NOL4: variants seen among roughly 807,000 people sequenced by gnomAD.
NOL4 encodes nucleolar protein 4.
NOL4 carries 17 observed loss-of-function variants against 75.9 expected under a neutral mutation model. The observed-to-expected ratio is 0.22, with a 90% CI of 0.15 to 0.34. The LOEUF is 0.34. Among genes scored for constraint, NOL4 ranks in the 10% least tolerant of loss-of-function variants. The pLI is 1.00. For synonymous variants in NOL4, 292 were observed against 289.9 expected (o/e 1.01, Z -0.07); for missense variants, 614 against 793.5 (o/e 0.77, Z 2.72).
At chr18:33,940,006 C>T (rs2145533356) in intron 9 of NOL4, among the ~76,000 whole-genome samples, 1 of 152,194 alleles carries the variant, frequency 6.6e-6, no homozygotes, top group African/African-American at 2.4e-5. Flanking sequence ...AATGAGATAT[C>T]ATCTCACGCC....
intron 4 of NOL4, among the ~76,000 whole-genome samples, chr18:34,100,654 T>C (rs939989620): frequency 1.6e-4 from 25 of 152,196 alleles, no homozygotes; most frequent in Non-Finnish European, 8.8e-5. Context: ...TTCCTCCCTA[T>C]CTGCCAGATG....
chr18:34,170,817 G>A (rs1405326959), intron 1 of NOL4, among the ~76,000 whole-genome samples: 1 of 152,008 alleles, frequency 6.6e-6, no homozygotes, highest in Non-Finnish European at 1.5e-5. Context: ...TACATACTAT[G>A]GCTAAGAACT....
At chr18:33,933,848 ACCT>A (rs2067871278) in intron 9 of NOL4, among the ~76,000 whole-genome samples, 1 of 151,738 alleles carries the variant, frequency 6.6e-6, no homozygotes, top group African/African-American at 2.4e-5. Flanking sequence ...TGCTATTTTG[ACCT>A]CCTCCCATGA....
At chr18:34,071,132 T>C (rs2077496240) in intron 5 of NOL4, among the ~76,000 whole-genome samples, 1 of 152,144 alleles carries the variant, frequency 6.6e-6, no homozygotes, top group Non-Finnish European at 1.5e-5. Context: ...ATAGATGTTT[T>C]AGGTGGTGGA....
At chr18:34,071,420 T>TAGACAGAC (rs1249111535) in intron 5 of NOL4, among the ~76,000 whole-genome samples, 5 of 116,816 alleles carry the variant, frequency 4.3e-5, no homozygotes, top group Non-Finnish European at 7.1e-5. Flanking sequence ...TATACACAAA[T>TAGACAGAC]AGACAGACAG....
intron 10 of NOL4, among the ~76,000 whole-genome samples, chr18:33,875,148 T>C (rs1193197586): frequency 6.6e-6 from 1 of 152,024 alleles, no homozygotes; most frequent in East Asian, 1.9e-4. Context: ...ATTATGCATA[T>C]AATTTAGACT....
At chr18:33,932,459 C>T (rs929356945) in intron 9 of NOL4, among the ~76,000 whole-genome samples, 1 of 152,000 alleles carries the variant, frequency 6.6e-6, no homozygotes, top group Non-Finnish European at 1.5e-5. Flanking sequence ...GAACACACTA[C>T]CTGTTTATTA....
At chr18:34,015,946 T>C (rs2074665065) in intron 6 of NOL4, among the ~76,000 whole-genome samples, 1 of 152,110 alleles carries the variant, frequency 6.6e-6, no homozygotes. Context: ...CTCAAAGTAT[T>C]GAGAAACATC....
intron 5 of NOL4, among the ~76,000 whole-genome samples, chr18:34,049,069 C>T (rs1316975398): frequency 8.0e-5 from 7 of 87,840 alleles, no homozygotes; most frequent in Middle Eastern, 5.2e-3. Context: ...TAGATACAGG[C>T]GCGCGCACAC....
At position 33,852,935 on chromosome 18, in the gene NOL4, G is replaced by T. The variant is rs748233231; in HGVS notation, c.1824C>A (p.Ala608=). ...RPQLSPTEIN[A]VRQLVAGYRE... is the part of the protein sequence containing the mutation. ...GATATCCTGCAACAAGCTGTCTCAC[G>T]GCATTGATTTCAGTTGGACTCAGCT... Residue 608 remains alanine, a synonymous_variant, in exon 11 of 11, where the codon GCC becomes GCA. Coordinates refer to ENST00000261592, the MANE Select transcript of NOL4 (RefSeq NM_003787.5). The T allele has an allele frequency of 6.2e-7, 1 of 1,613,146 alleles. No individual in the cohort carries two copies. Among genetic ancestry groups the T allele is most frequent in the Non-Finnish European group, 8.5e-7 (1 of 1,179,472 alleles).
chr18:34,056,603 A>C (rs376354435), intron 5 of NOL4, among the ~76,000 whole-genome samples: 1 of 152,114 alleles, frequency 6.6e-6, no homozygotes, highest in Non-Finnish European at 1.5e-5. Flanking sequence ...GACAAACCAG[A>C]ATATCTGACT....
intron 1 of NOL4, among the ~76,000 whole-genome samples, chr18:34,191,933 T>TAC (rs1451730174): frequency 2.0e-5 from 3 of 152,196 alleles, no homozygotes; most frequent in Non-Finnish European, 2.9e-5. Flanking sequence ...ATTCTCCCCC[T>TAC]ACACACACAC....
intron 6 of NOL4, among the ~76,000 whole-genome samples, chr18:34,003,438 T>G (rs2073852505): frequency 6.6e-6 from 1 of 152,224 alleles, no homozygotes; most frequent in African/African-American, 2.4e-5. Flanking sequence ...ACCCTACCAC[T>G]TTTGCAAATC....
intron 1 of NOL4, among the ~76,000 whole-genome samples, chr18:34,189,454 G>A (rs1270794134): frequency 2.6e-5 from 4 of 152,074 alleles, no homozygotes; most frequent in Admixed American, 6.6e-5. Context: ...CACTCAAAAC[G>A]TAGCAAGCAG....
intron 5 of NOL4, among the ~76,000 whole-genome samples, chr18:34,029,304 A>T (rs182224458): frequency 1.1e-3 from 163 of 152,316 alleles, no homozygotes; most frequent in South Asian, 8.5e-3. Flanking sequence ...TTATTGGGAC[A>T]CATCATTCTT....
chr18:34,162,081 T>G (rs1600760669), intron 1 of NOL4, among the ~76,000 whole-genome samples: 1 of 152,314 alleles, frequency 6.6e-6, no homozygotes, highest in East Asian at 1.9e-4. Context: ...TTTGCTCATT[T>G]CTGCCCACGC....
intron 1 of NOL4, among the ~76,000 whole-genome samples, chr18:34,153,549 T>G (rs935275837): frequency 6.6e-6 from 1 of 151,964 alleles, no homozygotes. Context: ...ACATTCCCCA[T>G]GGTCAGATAT....
intron 6 of NOL4, among the ~76,000 whole-genome samples, chr18:33,974,098 C>T (rs1356192944): frequency 6.6e-6 from 1 of 152,176 alleles, no homozygotes; most frequent in Non-Finnish European, 1.5e-5. Context: ...CCACCATCAT[C>T]AATAATACTA....
rs564947736 is a variant in NOL4, at chr18:34,015,289, T to C, written c.1056+4029A>G. On this transcript the variant is annotated intron_variant, in intron 6 of 10. Transcript: ENST00000261592. ...GATTCTGCTTTCCTATCTCAGCCTC[T>C]ATAACTGTCTTCAATCAAATTTCCC... Among the ~76,000 whole-genome samples the C allele has an allele frequency of 2.0e-5, 3 of 152,194 alleles. No individual in the cohort carries two copies. The East Asian group carries it at 5.8e-4, about 29-fold the overall frequency.
Sources: allele counts gnomAD v4.1 joint callset (sites outside exome capture counted in the v4.1 genomes callset), GRCh38; gene constraint gnomAD v4.1.1; transcripts MANE v1.5; gene names NCBI Gene and HGNC (gene_info 2026-07-23, HGNC 2026-07-21).